The following RBMS3 variants were observed in gnomAD, a reference collection of about 807,000 sequenced individuals.
RBMS3 encodes RNA binding motif single stranded interacting protein 3, also known as RNA-binding motif, single-stranded-interacting protein 3.
A neutral mutation model predicts 66.8 loss-of-function variants in RBMS3; 27 were observed. The ratio of observed to expected loss-of-function variants is 0.40; its 90% CI spans 0.30 to 0.56. The LOEUF (loss-of-function observed/expected upper bound fraction) is 0.56. Among genes scored for constraint, RBMS3 ranks in the 20% least tolerant of loss-of-function variants. RBMS3 has a pLI of 0.40. For synonymous variants in RBMS3, 188 were observed against 183.0 expected (o/e 1.03, Z -0.22); for missense variants, 513 against 549.5 (o/e 0.93, Z 0.66).
intron 2 of RBMS3, among the ~76,000 whole-genome samples, chr3:29,482,697 C>CT (rs1216159878): frequency 9.4e-4 from 87 of 92,930 alleles, no homozygotes; most frequent in African/African-American, 1.0e-3. Flanking sequence ...TTCTTTCTTT[C>CT]TTTCTTTTTT....
At chr3:29,715,954 T>C (rs1049956994) in intron 4 of RBMS3, among the ~76,000 whole-genome samples, 4 of 152,136 alleles carry the variant, frequency 2.6e-5, no homozygotes, top group African/African-American at 9.7e-5. Context: ...CCATATTATT[T>C]CTGGGAAGTT....
At chr3:29,927,521 T>A (rs1449526812) in intron 10 of RBMS3, among the ~76,000 whole-genome samples, 1 of 152,148 alleles carries the variant, frequency 6.6e-6, no homozygotes, top group Non-Finnish European at 1.5e-5. Flanking sequence ...GTGCAAAATG[T>A]TATGGGAGAA....
intron 6 of RBMS3, among the ~76,000 whole-genome samples, chr3:29,812,106 G>A (rs929631995): frequency 6.6e-6 from 1 of 152,090 alleles, no homozygotes; most frequent in Non-Finnish European, 1.5e-5. Context: ...CTGAGATATT[G>A]ACAGGACAGT....
At chr3:29,821,734 G>A (rs1009700416) in intron 6 of RBMS3, among the ~76,000 whole-genome samples, 3 of 152,140 alleles carry the variant, frequency 2.0e-5, no homozygotes, top group East Asian at 1.9e-4. Flanking sequence ...TTAAGAAGCC[G>A]AAATGTAGGC....
chr3:29,776,480 T>G (rs773615005), intron 6 of RBMS3, among the ~76,000 whole-genome samples: 12 of 151,948 alleles, frequency 7.9e-5, no homozygotes, highest in Non-Finnish European at 1.6e-4. Flanking sequence ...CAAGCCTGCA[T>G]GTTGTGTACA....
At chr3:29,394,754 G>A (rs918993070) in intron 1 of RBMS3, among the ~76,000 whole-genome samples, 1 of 152,056 alleles carries the variant, frequency 6.6e-6, no homozygotes, top group Admixed American at 6.6e-5. Context: ...GGCCTCTAAG[G>A]CCCTCTGTGA....
At chr3:29,701,312 G>A (rs1390403921) in intron 4 of RBMS3, among the ~76,000 whole-genome samples, 1 of 152,086 alleles carries the variant, frequency 6.6e-6, no homozygotes, top group Non-Finnish European at 1.5e-5. Context: ...GTTTTAAGTA[G>A]TGAATGTTAC....
chr3:29,459,801 G>C (rs1364843012), intron 2 of RBMS3, among the ~76,000 whole-genome samples: 2 of 152,184 alleles, frequency 1.3e-5, no homozygotes, highest in African/African-American at 4.8e-5. Flanking sequence ...GGTAAGTACA[G>C]TAGAGAATTT....
intron 4 of RBMS3, among the ~76,000 whole-genome samples, chr3:29,593,657 T>C (rs1559495987): frequency 6.6e-6 from 1 of 152,216 alleles, no homozygotes; most frequent in Non-Finnish European, 1.5e-5. Context: ...TGCTATCATT[T>C]GTTTGTATCC....
rs72855004 is a variant in RBMS3 at position 29,502,474 on chromosome 3, G to A, written c.307+13975G>A. ...GACACAAGCACAATGTTTTGAGTTC[G>A]CATAAAGGCAGACAATTTGATAGAA... On this transcript the variant is annotated intron_variant, in intron 3 of 14. Coordinates refer to ENST00000383767, the MANE Select transcript of RBMS3 (RefSeq NM_001003793.3). Among the ~76,000 whole-genome samples the A allele has an allele frequency of 7.1e-3, 1,075 of 152,066 alleles. 17 individuals are homozygous for A. The highest frequency in any genetic ancestry group is 0.024 in the African/African-American group (995 of 41,496).
intron 1 of RBMS3, among the ~76,000 whole-genome samples, chr3:29,302,723 C>G (rs923261039): frequency 1.1e-4 from 17 of 152,126 alleles, no homozygotes; most frequent in African/African-American, 3.9e-4. Flanking sequence ...GAAGAAATTT[C>G]AATCCCAGAG....
At chr3:29,530,325 T>C (rs188031039) in intron 3 of RBMS3, among the ~76,000 whole-genome samples, 3 of 152,208 alleles carry the variant, frequency 2.0e-5, no homozygotes, top group Non-Finnish European at 4.4e-5. Context: ...ATAAACCAAA[T>C]TTAGAATTGT....
intron 3 of RBMS3, among the ~76,000 whole-genome samples, chr3:29,516,098 G>T (rs2044608085): frequency 6.6e-6 from 1 of 152,132 alleles, no homozygotes; most frequent in Non-Finnish European, 1.5e-5. Flanking sequence ...GAAGACATGG[G>T]GACCAATAAG....
At chr3:29,867,030 T>G (rs917023033) in intron 6 of RBMS3, among the ~76,000 whole-genome samples, 1 of 152,142 alleles carries the variant, frequency 6.6e-6, no homozygotes, top group Non-Finnish European at 1.5e-5. Context: ...CCTCCAGTAC[T>G]GATAAACAGA....
intron 1 of RBMS3, among the ~76,000 whole-genome samples, chr3:29,354,170 C>T (rs2037083524): frequency 6.6e-6 from 1 of 151,624 alleles, no homozygotes; most frequent in Non-Finnish European, 1.5e-5. Context: ...AATTATCTAC[C>T]TTTCTTAGTG....
intron 4 of RBMS3, among the ~76,000 whole-genome samples, chr3:29,679,907 C>G (rs2051417997): frequency 4.2e-5 from 6 of 143,502 alleles, no homozygotes; most frequent in Admixed American, 2.0e-4. Context: ...TTTTAGCATG[C>G]CTGTCTAGCT....
intron 4 of RBMS3, among the ~76,000 whole-genome samples, chr3:29,655,945 C>CAAAAAAAAAA (rs57111170): frequency 7.1e-6 from 1 of 140,444 alleles, no homozygotes. Flanking sequence ...GCTTAAAAAG[C>CAAAAAAAAAA]AAAAAAAAAA....
At chr3:29,514,059 T>G (rs1340026294) in intron 3 of RBMS3, among the ~76,000 whole-genome samples, 1 of 152,176 alleles carries the variant, frequency 6.6e-6, no homozygotes, top group Non-Finnish European at 1.5e-5. Context: ...GTGCCTGGCA[T>G]GTTTGAAGGC....
intron 1 of RBMS3, among the ~76,000 whole-genome samples, chr3:29,285,743 G>A (rs534363217): frequency 2.0e-5 from 3 of 152,206 alleles, no homozygotes; most frequent in East Asian, 1.9e-4. Context: ...GCAGCCACCC[G>A]TCTCTAAAAG....
Sources: gnomAD v4.1 joint callset for allele counts (sites outside exome capture counted in the v4.1 genomes callset) on GRCh38, gnomAD v4.1.1 for gene constraint, MANE v1.5 for transcripts, NCBI Gene and HGNC (gene_info 2026-07-23, HGNC 2026-07-21) for gene names.